Variants in NR4A3 observed in about 807,000 individuals in gnomAD.
NR4A3 encodes the protein chondrosarcoma, extraskeletal myxoid, fused to EWS.
Under a neutral mutation model 55.6 loss-of-function variants are expected in NR4A3, and 13 were observed. The ratio of observed to expected loss-of-function variants is 0.23; its 90% CI spans 0.15 to 0.37. The LOEUF is 0.37. Ranked by LOEUF, NR4A3 falls within the 10% of genes least tolerant of loss-of-function variation. The pLI, the probability that NR4A3 is intolerant of heterozygous loss-of-function variation, is 1.00. For synonymous variants in NR4A3, 342 were observed against 357.9 expected (o/e 0.96, Z 0.50); for missense variants, 646 against 822.8 (o/e 0.79, Z 2.63).
rs1445219167 is a variant in NR4A3, at chr9:99,865,318, A to AT, written c.*1451_*1452insT. On this transcript the variant is annotated 3_prime_UTR_variant, in exon 8 of 8. Coordinates refer to ENST00000395097, the MANE Select transcript of NR4A3 (RefSeq NM_006981.4). This position sits in a 1 kb window ranked among gnomAD's most constrained non-coding sequence, Gnocchi z 4.3. ...AATAAGCAAATATATATATATATAT[A>AT]AATATAGCAGGTTACATATATATAT... 283 of 170,784 alleles carry AT rather than the reference A, an allele frequency of 1.7e-3. 1 individual carries two copies. Among genetic ancestry groups the AT allele is most frequent in the African/African-American group, 6.5e-3 (271 of 41,944 alleles). 10.6% of individuals were successfully genotyped at this position (170,784 alleles called of 1,614,324 possible).
chr9:99,842,494 G>C (rs916578877), intron 5 of NR4A3, among the ~76,000 whole-genome samples: 1 of 152,152 alleles, frequency 6.6e-6, no homozygotes, highest in African/African-American at 2.4e-5. Context: ...ACTTCAGGAG[G>C]CCAAGGCAGG....
intron 1 of NR4A3, among the ~76,000 whole-genome samples, chr9:99,823,194 C>T (rs1472791626): frequency 6.6e-6 from 1 of 151,956 alleles, no homozygotes; most frequent in African/African-American, 2.4e-5. Context: ...TTTTCACGGA[C>T]AGAACTCGCG....
chr9:99,852,833 C>T (rs1438164293), intron 7 of NR4A3, among the ~76,000 whole-genome samples: 1 of 152,190 alleles, frequency 6.6e-6, no homozygotes, highest in Non-Finnish European at 1.5e-5. Context: ...CTGACCACGG[C>T]ACACCCTCCA....
rs1827200452 is a variant in NR4A3, at chr9:99,822,491, C to CT, written c.-177+87dup. 2 of 152,350 alleles carry CT rather than the reference C, an allele frequency of 1.3e-5. No individual in the cohort carries two copies. The highest frequency in any genetic ancestry group is 2.0e-4 in the South Asian group (1 of 4,900). 9.4% of individuals were successfully genotyped at this position (152,350 alleles called of 1,614,324 possible). A position where few individuals can be genotyped will look rare whatever the true frequency, so the allele number is the denominator to read the frequency against. On this transcript the variant is annotated intron_variant, in intron 1 of 7. Transcript: ENST00000395097. The surrounding 1 kb of genome is among the most constrained non-coding windows in gnomAD (Gnocchi z 4.9). ...GAAGCGTCGCTCCTGAAATTGACAACTTTGAGTGTGGGGTTCCCTCCCCTG... is the reference window on the plus strand; with the variant it reads ...GAAGCGTCGCTCCTGAAATTGACAACTTTTGAGTGTGGGGTTCCCTCCCCTG...
Position 99,828,639 on chromosome 9 carries a change from T to C in NR4A3, c.597T>C (p.His199=). The C allele has an allele frequency of 1.4e-6, 2 of 1,464,456 alleles. No homozygotes were observed. Among genetic ancestry groups the C allele is most frequent in the Non-Finnish European group, 9.0e-7 (1 of 1,117,102 alleles). The allele number at this position is 1,464,456 out of a possible 1,614,324, so 90.7% of individuals were successfully genotyped here. A position where few individuals can be genotyped will look rare whatever the true frequency, so the allele number is the denominator to read the frequency against. The change falls in exon 3 of 8, where the codon CAT becomes CAC. Residue 199 remains histidine, a synonymous_variant. Coordinates refer to ENST00000395097, the MANE Select transcript of NR4A3 (RefSeq NM_006981.4). The surrounding 1 kb of genome is among the most constrained non-coding windows in gnomAD (Gnocchi z 7.7). The part of the protein sequence containing the change: ...PLFHFKPSPP[H]PPAPSPAGGH... ...TCCACTTCAAGCCCTCGCCGCCGCA[T>C]CCCCCCGCGCCCAGCCCGGCCGGCG...
chr9:99,824,058 C>A (rs543702605), intron 1 of NR4A3, among the ~76,000 whole-genome samples: 1 of 152,228 alleles, frequency 6.6e-6, no homozygotes, highest in South Asian at 2.1e-4. Context: ...GTTATTTCTT[C>A]CTAATTTACA....
intron 5 of NR4A3, among the ~76,000 whole-genome samples, chr9:99,843,913 C>T (rs1827703878): frequency 6.6e-6 from 1 of 152,044 alleles, no homozygotes; most frequent in Non-Finnish European, 1.5e-5. Flanking sequence ...GCCACCACAC[C>T]CAGCTAATTT....
At position 99,864,055 on chromosome 9, in the gene NR4A3, G is replaced by T; in HGVS notation, c.*188G>T. 3.6e-5 allele frequency: 17 copies of T among 472,396 alleles called. No individual in the cohort carries two copies. The highest frequency in any genetic ancestry group is 8.6e-5 in the East Asian group (2 of 23,376). The allele number at this position is 472,396 out of a possible 1,614,324, so 29.3% of individuals were successfully genotyped here. ...AACCTAAAGCCAGAAAACTTGCAGAGTATTGTGTTGGGGTTGTGTTTTATA... is the reference window on the plus strand; with the variant it reads ...AACCTAAAGCCAGAAAACTTGCAGATTATTGTGTTGGGGTTGTGTTTTATA... On this transcript the variant is annotated 3_prime_UTR_variant, in exon 8 of 8. Coordinates refer to ENST00000395097, the MANE Select transcript of NR4A3 (RefSeq NM_006981.4).
In NR4A3 at chr9:99,822,873, G is replaced by A. The variant is rs1161482935; in HGVS notation, c.-177+466G>A. On this transcript the variant is annotated intron_variant, in intron 1 of 7. Coordinates refer to ENST00000395097, the MANE Select transcript of NR4A3 (RefSeq NM_006981.4). This position sits in a 1 kb window ranked among gnomAD's most constrained non-coding sequence, Gnocchi z 4.9. ...GCTCTGGTGGGTCCAAGTAAATGTT[G>A]CTAATGGTGGCACCGAGCTGGTTCT... Among the ~76,000 whole-genome samples the A allele has an allele frequency of 6.6e-6, 1 of 152,196 alleles. No homozygotes were observed. Among genetic ancestry groups the A allele is most frequent in the Non-Finnish European group, 1.5e-5 (1 of 68,042 alleles).
At chr9:99,859,737 A>C (rs1353172165) in intron 7 of NR4A3, among the ~76,000 whole-genome samples, 1 of 152,194 alleles carries the variant, frequency 6.6e-6, no homozygotes, top group African/African-American at 2.4e-5. Context: ...TCTGGTTACA[A>C]GGTTCCACAA....
intron 7 of NR4A3, among the ~76,000 whole-genome samples, chr9:99,848,844 G>C (rs554645067): frequency 6.6e-6 from 1 of 152,290 alleles, no homozygotes; most frequent in East Asian, 1.9e-4. Flanking sequence ...CTTTGCCCCG[G>C]GGGAGAGTTT....
chr9:99,828,436 T>G lies in NR4A3; in HGVS notation c.394T>G (p.Ser132Ala). The change falls in exon 3 of 8, where the codon TCC (serine) becomes GCC (alanine). Residue 132 changes from serine to alanine, a missense_variant. By Grantham distance (99) the Ser-to-Ala change is moderately conservative. This residue lies in a region of NR4A3 where 426 missense variants were observed against 429.4 expected (regional missense o/e 0.99). Coordinates refer to ENST00000395097, the MANE Select transcript of NR4A3 (RefSeq NM_006981.4). The surrounding 1 kb of genome is among the most constrained non-coding windows in gnomAD (Gnocchi z 7.7). ...SPEDEVLPST[S>A]MYFKQSPPST... is the part of the protein sequence containing the mutation. ...GGAGGACGAGGTGCTGCCCAGCACC[T>G]CCATGTACTTCAAGCAGTCCCCACC... 1 of 1,580,430 alleles carries G rather than the reference T, an allele frequency of 6.3e-7. No individual in the cohort carries two copies. The highest frequency in any genetic ancestry group is 1.7e-5 in the Admixed American group (1 of 57,408).
At chr9:99,837,895 T>C (rs996946513) in intron 5 of NR4A3, among the ~76,000 whole-genome samples, 8 of 152,186 alleles carry the variant, frequency 5.3e-5, no homozygotes, top group African/African-American at 1.7e-4. Flanking sequence ...TTTTCTCCAT[T>C]TGTGGGAATG....
Position 99,863,827 on chromosome 9 carries a change from C to T in NR4A3, c.1841C>T (p.Ser614Phe), listed in dbSNP as rs991056754. 6.8e-6 allele frequency: 11 copies of T among 1,613,914 alleles called. No individual in the cohort carries two copies. Among genetic ancestry groups the T allele is most frequent in the Non-Finnish European group, 9.3e-6 (11 of 1,179,906 alleles). The change falls in exon 8 of 8, where the codon TCC becomes TTC. Residue 614 changes from serine (S) to phenylalanine (F), a missense_variant. Coordinates refer to ENST00000395097, the MANE Select transcript of NR4A3 (RefSeq NM_006981.4). ...LKLEDLVSPP[S>F]IIDKLFLDTL... The stretch of plus-strand genomic sequence containing the variant: ...CTGGAAGACTTGGTGTCTCCACCTT[C>T]CATCATTGACAAGCTCTTCCTGGAC...
intron 7 of NR4A3, among the ~76,000 whole-genome samples, chr9:99,851,719 A>G (rs962546256): frequency 6.6e-6 from 1 of 152,170 alleles, no homozygotes; most frequent in Non-Finnish European, 1.5e-5. Context: ...CTGTTTATCT[A>G]CCCTAACCAT....
intron 7 of NR4A3, among the ~76,000 whole-genome samples, chr9:99,862,483 G>A (rs577934473): frequency 2.5e-4 from 36 of 146,700 alleles, no homozygotes; most frequent in African/African-American, 8.5e-4. Context: ...TGGAGGAAGT[G>A]GGGGAGCAGT....
intron 7 of NR4A3, among the ~76,000 whole-genome samples, chr9:99,862,774 C>T (rs999004461): frequency 6.6e-6 from 1 of 152,002 alleles, no homozygotes; most frequent in African/African-American, 2.4e-5. Context: ...TAAGATAGAT[C>T]ATAGTATTTA....
At chr9:99,863,194 T>C (rs1284885885) in intron 7 of NR4A3, among the ~76,000 whole-genome samples, 1 of 152,202 alleles carries the variant, frequency 6.6e-6, no homozygotes, top group Admixed American at 6.5e-5. Context: ...TGAAAAATAG[T>C]TGCCTACTGA....
Position 99,828,563 on chromosome 9 carries a change from AC to A in NR4A3, c.524del (p.Pro175ArgfsTer3), listed in dbSNP as rs1827364200. On this transcript the variant is annotated frameshift_variant, in exon 3 of 8. Transcript: ENST00000395097. LOFTEE classifies it high-confidence loss of function. The surrounding 1 kb of genome is among the most constrained non-coding windows in gnomAD (Gnocchi z 7.7). ...TGCATCGCACCCGGCCCGCTGCTGG[AC>A]CCGCCGATGAAGGCGGTCCCCACGG... ...PGCIAPGPLL[D>X]PPMKAVPTVA... The A allele has an allele frequency of 6.7e-7, 1 of 1,484,066 alleles. No homozygotes were observed. Among genetic ancestry groups the A allele is most frequent in the Admixed American group, 2.2e-5 (1 of 44,970 alleles). 91.9% of individuals were successfully genotyped at this position (1,484,066 alleles called of 1,614,324 possible). A position where few individuals can be genotyped will look rare whatever the true frequency, so the allele number is the denominator to read the frequency against.
Sources: gnomAD v4.1 joint callset for allele counts (sites outside exome capture counted in the v4.1 genomes callset) on GRCh38, gnomAD v4.1.1 for gene constraint, gnomAD v4.1.1 regional missense constraint, Gnocchi (gnomAD v3.1) non-coding constraint, MANE v1.5 for transcripts, NCBI Gene and HGNC (gene_info 2026-07-23, HGNC 2026-07-21) for gene names.